Variants in PPFIA2 observed in about 807,000 individuals in gnomAD.
PPFIA2 encodes the protein PPFI scaffold protein A2.
PPFIA2 carries 46 observed loss-of-function variants against 175.5 expected under a neutral mutation model. The ratio of observed to expected loss-of-function variants is 0.26; its 90% confidence interval spans 0.21 to 0.34. The LOEUF (loss-of-function observed/expected upper bound fraction) is 0.34, where lower values mean the gene tolerates loss of function less well. Among genes scored for constraint, PPFIA2 ranks in the 10% least tolerant of loss-of-function variants. The probability of loss-of-function intolerance (pLI) is 1.00; values close to 1 mark genes in which losing one functional copy is unlikely to be tolerated. For synonymous variants in PPFIA2, 568 were observed against 511.4 expected, an observed-to-expected ratio of 1.11 and a Z score of -1.49; for missense variants, 1,179 against 1,506.1, an observed-to-expected ratio of 0.78 and a Z score of 3.60.
rs1216464980 is a variant in PPFIA2, at chr12:81,445,628, T to C, written c.498A>G (p.Gly166=). The change falls in exon 6 of 33, where the codon GGA becomes GGG. Residue 166 remains glycine (G), a synonymous_variant. Transcript: ENST00000549396. Reference sequence around the variant, plus strand: ...TGAGAACTTCAACTTCACTGGATACTCCTGAGGGAGACTGGGCTTGCCGTT... The same window carrying C: ...TGAGAACTTCAACTTCACTGGATACCCCTGAGGGAGACTGGGCTTGCCGTT... ...VVKRQAQSPS[G]VSSEVEVLKA... 6.2e-7 allele frequency: 1 copy of C among 1,613,824 alleles called. No individual in the cohort carries two copies. Among genetic ancestry groups the C allele is most frequent in the South Asian group, 1.1e-5 (1 of 91,078 alleles).
intron 7 of PPFIA2, among the ~76,000 whole-genome samples, chr12:81,435,477 G>A (rs1357599151): frequency 6.6e-6 from 1 of 152,024 alleles, no homozygotes; most frequent in Non-Finnish European, 1.5e-5. Context: ...ATAGATGAGC[G>A]ATCAATGAAA....
At chr12:81,495,955 C>A (rs1000713309) in intron 4 of PPFIA2, among the ~76,000 whole-genome samples, 11 of 152,026 alleles carry the variant, frequency 7.2e-5, no homozygotes, top group Non-Finnish European at 1.6e-4. Context: ...ATATGAAAGA[C>A]AGGAAGTAAA....
chr12:81,352,933 A>C (rs117643112), intron 17 of PPFIA2, among the ~76,000 whole-genome samples, 186 bp downstream of exon 17: 1,884 of 152,320 alleles, frequency 0.012, 19 homozygotes, highest in South Asian at 0.032. Context: ...TAAAGGAGAT[A>C]TACAATATCC....
At chr12:81,703,194 T>G (rs1403461106) in intron 3 of PPFIA2, among the ~76,000 whole-genome samples, 1 of 152,132 alleles carries the variant, frequency 6.6e-6, no homozygotes, top group Non-Finnish European at 1.5e-5. Context: ...ATTTGTACTT[T>G]TGCAAATTCT....
intron 8 of PPFIA2, 23 bp from the exon 9 acceptor site, chr12:81,384,267 G>A: frequency 1.5e-6 from 2 of 1,361,844 alleles, no homozygotes; most frequent in Non-Finnish European, 2.0e-6. Flanking sequence ...AAAAAGAAAT[G>A]GCACTTAAGA....
intron 3 of PPFIA2, among the ~76,000 whole-genome samples, chr12:81,724,942 A>T (rs1480296002): frequency 6.6e-6 from 1 of 151,066 alleles, no homozygotes; most frequent in Admixed American, 6.6e-5. Context: ...TTACATTCCC[A>T]TGAACAGTGT....
At chr12:81,688,763 T>A (rs1419626126) in intron 3 of PPFIA2, among the ~76,000 whole-genome samples, 1 of 148,052 alleles carries the variant, frequency 6.8e-6, no homozygotes, top group Non-Finnish European at 1.5e-5. Context: ...GCAGAATTTT[T>A]TGTGAACTGA....
At chr12:81,408,702 G>GT (rs2043362982) in intron 7 of PPFIA2, among the ~76,000 whole-genome samples, 1 of 152,160 alleles carries the variant, frequency 6.6e-6, no homozygotes, top group African/African-American at 2.4e-5. Context: ...GTTTGCTACA[G>GT]TGTATACATG....
intron 3 of PPFIA2, among the ~76,000 whole-genome samples, chr12:81,731,633 T>C (rs61935570): frequency 0.037 from 5,684 of 151,730 alleles, 157 homozygotes; most frequent in Non-Finnish European, 0.053. Flanking sequence ...TATATCATTA[T>C]ATGAGTATAT....
chr12:81,302,644 G>T (rs1197437430), intron 22 of PPFIA2: 1 of 447,428 alleles, frequency 2.2e-6, no homozygotes, highest in Admixed American at 2.4e-5. Context: ...GGATGGCTAG[G>T]TTTTACACCA....
intron 7 of PPFIA2, among the ~76,000 whole-genome samples, chr12:81,423,366 A>G (rs768960027): frequency 6.6e-6 from 1 of 152,146 alleles, no homozygotes; most frequent in Non-Finnish European, 1.5e-5. Context: ...ATACTAGCAA[A>G]CCCAATGCAA....
chr12:81,660,572 TG>T (rs923291665), intron 4 of PPFIA2, among the ~76,000 whole-genome samples: 3 of 152,142 alleles, frequency 2.0e-5, no homozygotes, highest in African/African-American at 7.2e-5. Context: ...TACGTCCCAT[TG>T]GTGTACCTGA....
At chr12:81,637,796 T>C (rs1283666361) in intron 4 of PPFIA2, among the ~76,000 whole-genome samples, 2 of 152,194 alleles carry the variant, frequency 1.3e-5, no homozygotes, top group African/African-American at 4.8e-5. Context: ...ATTTTTTCTT[T>C]GTCCTGCACA....
chr12:81,514,526 A>G (rs943953379), intron 4 of PPFIA2, among the ~76,000 whole-genome samples: 1 of 152,028 alleles, frequency 6.6e-6, no homozygotes, highest in East Asian at 1.9e-4. Context: ...GGATTTTCAT[A>G]CATGTAACTT....
At chr12:81,459,477 A>C (rs1314475440) in intron 4 of PPFIA2, among the ~76,000 whole-genome samples, 1 of 152,154 alleles carries the variant, frequency 6.6e-6, no homozygotes, top group Non-Finnish European at 1.5e-5. Flanking sequence ...AATTATAAAA[A>C]ATTTATTCAT....
intron 28 of PPFIA2, chr12:81,270,786 G>T (rs1019988561): frequency 6.6e-6 from 1 of 152,190 alleles, no homozygotes. Flanking sequence ...AATACATGGG[G>T]TGTCTCATTG....
chr12:81,531,722 G>T lies in PPFIA2; in HGVS notation c.304-73856C>A, dbSNP rs2064592748. On this transcript the variant is annotated intron_variant, in intron 4 of 32. Coordinates refer to ENST00000549396, the MANE Select transcript of PPFIA2 (RefSeq NM_003625.5). ...TTAAAGGATAGATTTTCTTCTAAAG[G>T]TAATGAGGAGGTTTTAAAGATTATT... Among the ~76,000 whole-genome samples, 6 of 151,292 alleles carry T rather than the reference G, an allele frequency of 4.0e-5. No homozygotes were observed. The Admixed American group carries it at 4.0e-4, about 10-fold the overall frequency.
intron 4 of PPFIA2, among the ~76,000 whole-genome samples, chr12:81,528,309 G>C (rs917634355): frequency 1.3e-5 from 2 of 152,002 alleles, no homozygotes; most frequent in African/African-American, 4.8e-5. Context: ...ATTCAGAAGC[G>C]CAACAAAATG....
intron 7 of PPFIA2, among the ~76,000 whole-genome samples, chr12:81,437,370 C>T (rs1276198056): frequency 2.6e-5 from 4 of 151,956 alleles, no homozygotes; most frequent in Non-Finnish European, 4.4e-5. Flanking sequence ...GCTGGGACTA[C>T]AGGCACCCGC....
Sources: allele counts gnomAD v4.1 joint callset (sites outside exome capture counted in the v4.1 genomes callset), GRCh38; gene constraint gnomAD v4.1.1; transcripts MANE v1.5; gene names NCBI Gene and HGNC (gene_info 2026-07-23, HGNC 2026-07-21).